The following DACH2 variants were observed in gnomAD, a reference collection of about 807,000 sequenced individuals.
The protein encoded by DACH2 is dachshund homolog 2.
In DACH2, 17 loss-of-function variants were observed where a neutral mutation model predicts 35.8. That is an observed-to-expected ratio of 0.48 (90% CI 0.33 to 0.71). The LOEUF (loss-of-function observed/expected upper bound fraction) is 0.71, where lower values mean the gene tolerates loss of function less well. DACH2 is among the 30% of genes least tolerant of loss of function. DACH2 has a pLI of 0.02. For missense variants in DACH2, 469 were observed against 472.7 expected (o/e 0.99, Z 0.07); for synonymous variants, 195 against 177.3 (o/e 1.10, Z -0.79).
intron 3 of DACH2, among the ~76,000 whole-genome samples, chrX:86,535,481 G>T (rs2038784831): frequency 9.0e-6 from 1 of 111,610 alleles, no homozygotes; most frequent in African/African-American, 3.3e-5. Context: ...GGGTCAGGAT[G>T]TGCCTCATTA....
At chrX:86,673,563 C>T (rs192330572) in intron 4 of DACH2, among the ~76,000 whole-genome samples, 1 of 110,890 alleles carries the variant, frequency 9.0e-6, no homozygotes, top group Non-Finnish European at 1.9e-5. Context: ...AAGAGACTTG[C>T]CTTATCTCAG....
intron 1 of DACH2, among the ~76,000 whole-genome samples, chrX:86,220,317 A>T (rs6524598): frequency 9.0e-6 from 1 of 111,150 alleles, no homozygotes; most frequent in African/African-American, 3.3e-5. Context: ...GGTACAACAG[A>T]TTGCTAGAAT....
intron 1 of DACH2, among the ~76,000 whole-genome samples, chrX:86,240,487 G>C (rs1010498543): frequency 9.7e-6 from 1 of 102,978 alleles, no homozygotes; most frequent in African/African-American, 3.7e-5. Context: ...ATTACTTTTT[G>C]AGACATAGTC....
chrX:86,425,560 T>A (rs755933593), intron 2 of DACH2, among the ~76,000 whole-genome samples: 6 of 111,565 alleles, frequency 5.4e-5, no homozygotes, highest in Non-Finnish European at 7.6e-5. Flanking sequence ...TTTATTTGGA[T>A]CTTCTCTCTT....
intron 4 of DACH2, among the ~76,000 whole-genome samples, chrX:86,669,894 C>T (rs2040744252): frequency 9.0e-6 from 1 of 110,724 alleles, no homozygotes; most frequent in African/African-American, 3.3e-5. Context: ...TGATAACTAG[C>T]ATTAGGTTTT....
In DACH2 at chrX:86,814,552, G is replaced by T. The variant is rs1238538881; in HGVS notation, c.1538-136G>T. 6.3e-5 allele frequency: 41 copies of T among 647,204 alleles called. No homozygotes were observed. In the East Asian group the frequency reaches 1.3e-3, roughly 21 times the overall value. The allele number at this position is 647,204 out of a possible 1,213,427, so 53.3% of individuals were successfully genotyped here. On this transcript the variant is annotated intron_variant, in intron 9 of 11. Coordinates refer to ENST00000373125, the MANE Select transcript of DACH2 (RefSeq NM_053281.3). The stretch of plus-strand genomic sequence containing the variant: ...ACCCTAATGAGCATTAGTACCAAAA[G>T]AACGCTAATCATATGTCAAGTGAAA...
At chrX:86,179,077 T>C (rs2031394980) in intron 1 of DACH2, among the ~76,000 whole-genome samples, 1 of 111,683 alleles carries the variant, frequency 9.0e-6, no homozygotes, top group Admixed American at 9.5e-5. Flanking sequence ...GTCTTGTGTG[T>C]CATTTAGAGT....
At chrX:86,207,766 A>C (rs1290285855) in intron 1 of DACH2, among the ~76,000 whole-genome samples, 1 of 110,915 alleles carries the variant, frequency 9.0e-6, no homozygotes, top group Admixed American at 9.7e-5. Flanking sequence ...GTTGGCGCTA[A>C]AGTTTTGACT....
rs762146493 is a variant in DACH2, at chrX:86,713,597, C to T, written c.932-951C>T. ...AGACTACTGATTTCTGGGCTTCTGT[C>T]CAAAATTAGGCAAGATTACTGTAGA... On this transcript the variant is annotated intron_variant, in intron 5 of 11. Transcript: ENST00000373125. Among the ~76,000 whole-genome samples the T allele has an allele frequency of 3.6e-5, 4 of 111,527 alleles. No homozygotes were observed. In the South Asian group the frequency reaches 1.5e-3, roughly 41 times the overall value.
At chrX:86,365,227 A>T (rs753140175) in intron 1 of DACH2, among the ~76,000 whole-genome samples, 2 of 111,077 alleles carry the variant, frequency 1.8e-5, no homozygotes, top group Admixed American at 9.7e-5. Flanking sequence ...CTAAAACATT[A>T]AAGTTGATAC....
intron 3 of DACH2, among the ~76,000 whole-genome samples, chrX:86,531,016 C>G (rs2038711709): frequency 9.0e-6 from 1 of 111,672 alleles, no homozygotes; most frequent in African/African-American, 3.3e-5. Flanking sequence ...GACCTTTGAA[C>G]TTAAAAGAGA....
intron 2 of DACH2, among the ~76,000 whole-genome samples, chrX:86,510,585 G>C (rs1049329304): frequency 2.7e-5 from 3 of 111,785 alleles, no homozygotes; most frequent in African/African-American, 9.7e-5. Context: ...ATTATGTTAA[G>C]GGATGACCTG....
rs755514722 is a variant in DACH2 at position 86,452,506 on chromosome X, G to A, written c.528-61773G>A. ...TATTACTGCCTCAATTTCAGAACTC[G>A]TTATTTGTCTATGCAGTGATTCATT... On this transcript the variant is annotated intron_variant, in intron 2 of 11. Coordinates refer to ENST00000373125, the MANE Select transcript of DACH2 (RefSeq NM_053281.3). 1.6e-4 allele frequency among the ~76,000 whole-genome samples: 18 copies of A among 111,243 alleles called. No homozygotes were observed. The East Asian group carries it at 3.7e-3, about 23-fold the overall frequency.
intron 3 of DACH2, among the ~76,000 whole-genome samples, chrX:86,628,518 A>G (rs1322805772): frequency 8.9e-6 from 1 of 112,706 alleles, no homozygotes; most frequent in Non-Finnish European, 1.9e-5. Context: ...GATGTTATGA[A>G]TTACACGTTT....
At chrX:86,751,298 A>G (rs12012330) in intron 7 of DACH2, among the ~76,000 whole-genome samples, 8,183 of 110,669 alleles carry the variant, frequency 0.074, 727 homozygotes, top group African/African-American at 0.25. Context: ...GGCGTCATCC[A>G]CGGATACAAG....
At chrX:86,386,770 A>C (rs1237908790) in intron 2 of DACH2, among the ~76,000 whole-genome samples, 7 of 111,299 alleles carry the variant, frequency 6.3e-5, no homozygotes, top group Non-Finnish European at 1.3e-4. Flanking sequence ...TGGATGTTCC[A>C]GACTCATCTT....
chrX:86,704,328 C>T (rs1056539444), intron 5 of DACH2, among the ~76,000 whole-genome samples: 18 of 110,586 alleles, frequency 1.6e-4, no homozygotes, highest in African/African-American at 4.3e-4. Context: ...TCTAAGACCT[C>T]GATTAATAAA....
intron 1 of DACH2, among the ~76,000 whole-genome samples, chrX:86,329,732 T>C (rs2035178389): frequency 9.0e-6 from 1 of 111,542 alleles, no homozygotes; most frequent in Admixed American, 9.6e-5. Context: ...CCTATAGCTT[T>C]ATTTTAGATC....
chrX:86,705,825 A>G (rs892450107), intron 5 of DACH2, among the ~76,000 whole-genome samples: 2 of 111,834 alleles, frequency 1.8e-5, no homozygotes, highest in Non-Finnish European at 3.8e-5. Context: ...ACAATTGCAA[A>G]CATATGGAAT....
Sources: gnomAD v4.1 joint callset for allele counts (sites outside exome capture counted in the v4.1 genomes callset) on GRCh38, gnomAD v4.1.1 for gene constraint, MANE v1.5 for transcripts, NCBI Gene and HGNC (gene_info 2026-07-23, HGNC 2026-07-21) for gene names.